Variants in SGCD observed in about 807,000 individuals in gnomAD.
The protein encoded by SGCD is delta-sarcoglycan.
Under a neutral mutation model 36.6 loss-of-function variants are expected in SGCD, and 18 were observed. The observed-to-expected ratio is 0.49, with a 90% CI of 0.34 to 0.73. SGCD has a LOEUF of 0.73. Ranked by LOEUF, SGCD falls within the 30% of genes least tolerant of loss-of-function variation. The pLI is 0.01. For synonymous variants in SGCD, 133 were observed against 130.6 expected (o/e 1.02, Z -0.12); for missense variants, 387 against 346.7 (o/e 1.12, Z -0.92).
rs115859006 is a variant in SGCD at position 156,508,826 on chromosome 5, A to G, written c.294+124A>G. 24,374 of 554,214 alleles carry G rather than the reference A, an allele frequency of 0.044. 966 individuals are homozygous for G. Among genetic ancestry groups the G allele is most frequent in the East Asian group, 0.16 (5,337 of 34,272 alleles). 34.3% of individuals were successfully genotyped at this position (554,214 alleles called of 1,614,324 possible). On this transcript the variant is annotated intron_variant, in intron 4 of 8. Transcript: ENST00000337851. ...GGGAGTAATACTGGTATTAAGATGA[A>G]TTTGCTTTCTCTTCTGAATCTTTGA...
chr5:155,771,082 C>T, the SGCD span, among the ~76,000 whole-genome samples: 1 of 144,248 alleles, frequency 6.9e-6, no homozygotes. Flanking sequence ...TTTGTAGTGA[C>T]TTAGAACATA....
At chr5:156,548,543 G>A (rs1326128540) in intron 4 of SGCD, among the ~76,000 whole-genome samples, 1 of 152,198 alleles carries the variant, frequency 6.6e-6, no homozygotes, top group Non-Finnish European at 1.5e-5. Flanking sequence ...AAGAGCTTTG[G>A]TCTTGATTCT....
chr5:155,979,478 T>C (rs927454136), intron 1 of SGCD, among the ~76,000 whole-genome samples: 1 of 152,134 alleles, frequency 6.6e-6, no homozygotes, highest in African/African-American at 2.4e-5. Context: ...AAGACTTCTA[T>C]TAAGAAGAGC....
intron 3 of SGCD, among the ~76,000 whole-genome samples, chr5:156,198,737 C>G (rs1433148909): frequency 2.0e-5 from 3 of 152,126 alleles, no homozygotes; most frequent in Non-Finnish European, 4.4e-5. Flanking sequence ...CAACATCCTT[C>G]TTTATTTGAA....
chr5:156,324,946 A>G (rs1312905213), upstream of SGCD, among the ~76,000 whole-genome samples: 1 of 152,154 alleles, frequency 6.6e-6, no homozygotes, highest in East Asian at 1.9e-4. Flanking sequence ...TATTATTGTT[A>G]ATTTAGGACG....
In SGCD at chr5:156,513,957, G is replaced by C. The variant is rs550856539; in HGVS notation, c.294+5255G>C. Among the ~76,000 whole-genome samples the C allele has an allele frequency of 4.6e-5, 7 of 152,314 alleles. No individual in the cohort carries two copies. The South Asian group carries it at 1.5e-3, about 32-fold the overall frequency. On this transcript the variant is annotated intron_variant, in intron 4 of 8. Transcript: ENST00000337851. ...CAACCATGACATCCAAAGGCAGAAT[G>C]TCTTAGAAATACCACTTGAATGCAT...
At chr5:156,582,852 G>A (rs532383867) in intron 4 of SGCD, among the ~76,000 whole-genome samples, 1 of 152,210 alleles carries the variant, frequency 6.6e-6, no homozygotes, top group Admixed American at 6.5e-5. Flanking sequence ...AACACACACA[G>A]TAGGAGAACC....
intron 3 of SGCD, among the ~76,000 whole-genome samples, chr5:156,265,119 A>G (rs1012691113): frequency 6.6e-6 from 1 of 152,156 alleles, no homozygotes; most frequent in Non-Finnish European, 1.5e-5. Flanking sequence ...CACTGAAGGC[A>G]ATAGAAACAA....
At chr5:156,188,507 T>G (rs1763814286) in intron 3 of SGCD, among the ~76,000 whole-genome samples, 1 of 152,122 alleles carries the variant, frequency 6.6e-6, no homozygotes, top group South Asian at 2.1e-4. Flanking sequence ...TGGAGTTTCC[T>G]GTGTTGCAAA....
the SGCD span, among the ~76,000 whole-genome samples, chr5:155,808,793 C>T: frequency 6.6e-6 from 1 of 152,252 alleles, no homozygotes; most frequent in Middle Eastern, 3.4e-3. Flanking sequence ...TTATTGAGTG[C>T]TTCTCATGTT....
chr5:155,988,185 C>CT (rs561134158), intron 1 of SGCD, among the ~76,000 whole-genome samples: 5 of 151,334 alleles, frequency 3.3e-5, no homozygotes, highest in African/African-American at 9.7e-5. Flanking sequence ...TCTGCAGTTC[C>CT]TTTTTTTTTA....
chr5:156,366,883 T>C (rs557562053), intron 3 of SGCD, among the ~76,000 whole-genome samples: 120 of 152,288 alleles, frequency 7.9e-4, no homozygotes, highest in African/African-American at 2.8e-3. Context: ...CAATAAAATA[T>C]CTAGATACTT....
At chr5:155,949,192 C>G (rs776397606) in intron 1 of SGCD, among the ~76,000 whole-genome samples, 1 of 152,158 alleles carries the variant, frequency 6.6e-6, no homozygotes, top group African/African-American at 2.4e-5. Context: ...AACCAATATC[C>G]CTTTTCTAAT....
chr5:156,072,869 A>G (rs2127588655), intron 1 of SGCD, among the ~76,000 whole-genome samples: 1 of 151,914 alleles, frequency 6.6e-6, no homozygotes, highest in South Asian at 2.1e-4. Flanking sequence ...TTCTCGCTTC[A>G]TTTCATTCAT....
chr5:156,246,625 G>A (rs1400779166), intron 3 of SGCD, among the ~76,000 whole-genome samples: 1 of 152,116 alleles, frequency 6.6e-6, no homozygotes, highest in East Asian at 1.9e-4. Flanking sequence ...GCTAAAGCCG[G>A]AGAAATTTTT....
intron 3 of SGCD, among the ~76,000 whole-genome samples, chr5:156,420,403 T>C (rs1430113332): frequency 6.6e-6 from 1 of 152,138 alleles, no homozygotes; most frequent in Non-Finnish European, 1.5e-5. Flanking sequence ...AATTACTTCT[T>C]AGGGCATTTT....
chr5:155,860,533 A>G, the SGCD span, among the ~76,000 whole-genome samples: 4 of 152,218 alleles, frequency 2.6e-5, no homozygotes, highest in Non-Finnish European at 5.9e-5. Context: ...GGAGCTTGAT[A>G]CTAAAACAAG....
chr5:156,719,363 T>C (rs1755376233), intron 7 of SGCD, among the ~76,000 whole-genome samples: 1 of 150,944 alleles, frequency 6.6e-6, no homozygotes, highest in Admixed American at 6.6e-5. Flanking sequence ...TAAATGTTAA[T>C]CTCATCATAT....
At chr5:156,179,595 C>A (rs1422140339) in intron 3 of SGCD, among the ~76,000 whole-genome samples, 1 of 151,284 alleles carries the variant, frequency 6.6e-6, no homozygotes, top group Non-Finnish European at 1.5e-5. Flanking sequence ...CTCCTCACCC[C>A]AATGAATATG....
Sources: allele counts gnomAD v4.1 joint callset (sites outside exome capture counted in the v4.1 genomes callset), GRCh38; gene constraint gnomAD v4.1.1; transcripts MANE v1.5; gene names NCBI Gene and HGNC (gene_info 2026-07-23, HGNC 2026-07-21).